Variants in WNT10A observed in about 807,000 individuals in gnomAD.
The protein encoded by WNT10A is protein Wnt-10a.
WNT10A carries 37 observed loss-of-function variants against 36.1 expected under a neutral mutation model. That is an observed-to-expected ratio of 1.02 (90% CI 0.79 to 1.35). The LOEUF (loss-of-function observed/expected upper bound fraction) is 1.35. Ranked by LOEUF, WNT10A falls within the 40% of genes most tolerant of loss-of-function variation. WNT10A has a pLI of 0.00. For missense variants in WNT10A, 613 were observed against 601.4 expected (o/e 1.02, Z -0.20); for synonymous variants, 255 against 254.1 (o/e 1.00, Z -0.03).
At chr2:218,892,602 A>T (rs1944666159) in intron 3 of WNT10A, among the ~76,000 whole-genome samples, 172 bp from the exon 4 acceptor site, 2 of 152,190 alleles carry the variant, frequency 1.3e-5, no homozygotes. Context: ...AGGCAGAGGC[A>T]GAAGAGCAGG....
the WNT10A span, among the ~76,000 whole-genome samples, chr2:218,875,540 A>G: frequency 7.8e-4 from 119 of 152,306 alleles, 1 homozygote; most frequent in South Asian, 0.019. Flanking sequence ...AGAAGCTGTA[A>G]GTATCTTCTC....
At chr2:218,888,414 C>T (rs10932786) in intron 2 of WNT10A, among the ~76,000 whole-genome samples, 38,035 of 152,200 alleles carry the variant, frequency 0.25, 5,441 homozygotes, top group African/African-American at 0.39. Context: ...GTGGCCAGGC[C>T]GGCCTAGCCG....
chr2:218,876,426 C>G (rs1233107697), upstream of WNT10A, among the ~76,000 whole-genome samples: 2 of 152,184 alleles, frequency 1.3e-5, no homozygotes, highest in African/African-American at 2.4e-5. Flanking sequence ...CCTGCATTCA[C>G]TCGGTGACCT....
intron 2 of WNT10A, among the ~76,000 whole-genome samples, chr2:218,888,707 G>A (rs1312926359): frequency 2.0e-5 from 3 of 152,134 alleles, no homozygotes; most frequent in Non-Finnish European, 2.9e-5. Context: ...CTTTGCCTCT[G>A]GAGTCTGGTC....
chr2:218,890,750 G>C (rs564900864), intron 3 of WNT10A, among the ~76,000 whole-genome samples: 1 of 152,216 alleles, frequency 6.6e-6, no homozygotes, highest in Non-Finnish European at 1.5e-5. Context: ...TCATCCCTAA[G>C]GTTCCCCCCA....
chr2:218,892,970 C>T lies in WNT10A; in HGVS notation c.953C>T (p.Pro318Leu). ...GQLEPGPAGA[P>L]SPAPGAPGPR... ...CTGGAGCCGGGCCCAGCGGGGGCAC[C>T]CTCGCCGGCTCCGGGCGCTCCCGGG... Residue 318 changes from proline (P) to leucine (L), a missense_variant, in exon 4 of 4, where the codon CCC becomes CTC. Transcript: ENST00000258411. 1 of 1,448,944 alleles carries T rather than the reference C, an allele frequency of 6.9e-7. No individual in the cohort carries two copies. Among genetic ancestry groups the T allele is most frequent in the East Asian group, 2.9e-5 (1 of 34,762 alleles). The allele number at this position is 1,448,944 out of a possible 1,614,324, so 89.8% of individuals were successfully genotyped here. A position where few individuals can be genotyped will look rare whatever the true frequency, so the allele number is the denominator to read the frequency against.
rs916352937 is a variant in WNT10A, at chr2:218,882,220, A to G, written c.173A>G (p.Asn58Ser). The change falls in exon 2 of 4, where the codon AAC becomes AGC. Residue 58 changes from asparagine to serine, a missense_variant. Coordinates refer to ENST00000258411, the MANE Select transcript of WNT10A (RefSeq NM_025216.3). Reference protein sequence around the residue: ...RLPPEPVLNANTVCLTLPGLS... With the variant: ...RLPPEPVLNASTVCLTLPGLS... ...CCCCCGGAGCCCGTGCTCAATGCCA[A>G]CACAGTGTGCCTAACATTGCCAGGC... 1 of 1,614,138 alleles carries G rather than the reference A, an allele frequency of 6.2e-7. No individual in the cohort carries two copies. Among genetic ancestry groups the G allele is most frequent in the Non-Finnish European group, 8.5e-7 (1 of 1,180,010 alleles).
chr2:218,877,794 G>A (rs1001333454), upstream of WNT10A, among the ~76,000 whole-genome samples: 1 of 152,206 alleles, frequency 6.6e-6, no homozygotes, highest in African/African-American at 2.4e-5. This position sits in a 1 kb window ranked among gnomAD's most constrained non-coding sequence, Gnocchi z 4.1. Flanking sequence ...CCCTTACCTT[G>A]CTGAGGGTTG....
chr2:218,883,300 G>A (rs534585347), intron 2 of WNT10A, among the ~76,000 whole-genome samples: 2 of 152,268 alleles, frequency 1.3e-5, no homozygotes, highest in South Asian at 4.1e-4. Flanking sequence ...TGGGCACCCC[G>A]TAGCCCTAGC....
Sources: allele counts gnomAD v4.1 joint callset (sites outside exome capture counted in the v4.1 genomes callset), GRCh38; gene constraint gnomAD v4.1.1; non-coding constraint Gnocchi (gnomAD v3.1); transcripts MANE v1.5; gene names NCBI Gene and HGNC (gene_info 2026-07-23, HGNC 2026-07-21).